Variants in BCDIN3D observed in about 807,000 individuals in gnomAD.
BCDIN3D encodes BCDIN3 domain containing RNA methyltransferase, also known as RNA 5'-monophosphate methyltransferase.
Under a neutral mutation model 21.2 loss-of-function variants are expected in BCDIN3D, and 15 were observed. The observed-to-expected ratio is 0.71, with a 90% CI of 0.47 to 1.09. The LOEUF (loss-of-function observed/expected upper bound fraction) is 1.09. BCDIN3D is among the 50% of genes least tolerant of loss of function. The pLI, the probability that BCDIN3D is intolerant of heterozygous loss-of-function variation, is 0.00. For synonymous variants in BCDIN3D, 127 were observed against 141.9 expected (o/e 0.90, Z 0.75); for missense variants, 331 against 366.2 (o/e 0.90, Z 0.79).
rs1333562661 is a variant in BCDIN3D, at chr12:49,838,822, T to A, written c.428A>T (p.Lys143Met). Residue 143 changes from lysine to methionine, a missense_variant, in exon 2 of 2, where the codon AAG (lysine) becomes ATG (methionine). By Grantham distance (95) the Lys-to-Met change is moderately conservative (BLOSUM62 -1). Coordinates refer to ENST00000333924, the MANE Select transcript of BCDIN3D (RefSeq NM_181708.3). The part of the protein sequence containing the change: ...TLDFMNQRTR[K>M]VLLSSFLSQF... ...GCTTAAGAAAGAGCTCAAGAGAACC[T>A]TCCGGGTCCTTTGATTCATGAAGTC... 2.5e-6 allele frequency: 4 copies of A among 1,614,066 alleles called. No individual in the cohort carries two copies. In the South Asian group the frequency reaches 4.4e-5, roughly 18 times the overall value.
intron 1 of BCDIN3D, 159 bp from the exon 2 acceptor site, chr12:49,839,174 C>T (rs1946534722): frequency 4.0e-6 from 3 of 741,464 alleles, no homozygotes; most frequent in African/African-American, 3.5e-5. Context: ...AAATTTTCTA[C>T]AGAGTAGGCT....
chr12:49,836,382 G>A lies in BCDIN3D; in HGVS notation c.*1989C>T, dbSNP rs1946505738. ...TTGCAAAGCCCCTTTTGCTAAAGGA[G>A]GTGGACATCTTGGGGGACCATTATT... On this transcript the variant is annotated 3_prime_UTR_variant, in exon 2 of 2. Coordinates refer to ENST00000333924, the MANE Select transcript of BCDIN3D (RefSeq NM_181708.3). The A allele has an allele frequency of 6.6e-6, 1 of 152,198 alleles. No individual in the cohort carries two copies. The allele number at this position is 152,198 out of a possible 1,614,324, so 9.4% of individuals were successfully genotyped here.
At chr12:49,841,506 G>A (rs1480702499) in intron 1 of BCDIN3D, among the ~76,000 whole-genome samples, 4 of 152,298 alleles carry the variant, frequency 2.6e-5, no homozygotes, top group Admixed American at 1.3e-4. Flanking sequence ...TACCTCTCAT[G>A]TGTATACTAC....
At position 49,836,067 on chromosome 12, in the gene BCDIN3D, C is replaced by T. The variant is rs1240888890; in HGVS notation, c.*2304G>A. ...GTGGTTTAAAATACTGATTTATTCT[C>T]TTACAGCTCTGGAGATTAAATCTGA... is the stretch of plus-strand genomic sequence containing the variant. On this transcript the variant is annotated 3_prime_UTR_variant, in exon 2 of 2. Transcript: ENST00000333924. The T allele has an allele frequency of 6.6e-6, 1 of 152,210 alleles. No homozygotes were observed. Among genetic ancestry groups the T allele is most frequent in the Non-Finnish European group, 1.5e-5 (1 of 68,038 alleles). The allele number at this position is 152,210 out of a possible 1,614,324, so 9.4% of individuals were successfully genotyped here.
intron 1 of BCDIN3D, among the ~76,000 whole-genome samples, chr12:49,841,546 T>C (rs1190523247): frequency 2.0e-5 from 3 of 152,258 alleles, no homozygotes; most frequent in African/African-American, 7.2e-5. Flanking sequence ...GGTGGTTTCC[T>C]AATGCCTTTC....
At position 49,836,504 on chromosome 12, in the gene BCDIN3D, AAATT is replaced by A. The variant is rs1565602589; in HGVS notation, c.*1863_*1866del. On this transcript the variant is annotated 3_prime_UTR_variant, in exon 2 of 2. Transcript: ENST00000333924. ...GGTTACAGGGTTTCAAAGTGTTCCT[AAATT>A]AAGATCTTGTGGGTAAACTCAGCTC... 6 of 152,192 alleles carry A rather than the reference AAATT, an allele frequency of 3.9e-5. No individual in the cohort carries two copies. Among genetic ancestry groups the A allele is most frequent in the Non-Finnish European group, 8.8e-5 (6 of 68,034 alleles). The allele number at this position is 152,192 out of a possible 1,614,324, so 9.4% of individuals were successfully genotyped here.
intron 1 of BCDIN3D, chr12:49,839,649 T>A (rs947986032): frequency 6.6e-6 from 1 of 152,272 alleles, no homozygotes; most frequent in African/African-American, 2.4e-5. Context: ...TTTTACCACA[T>A]TAGCACCTTT....
chr12:49,839,292 G>T (rs1946535729), intron 1 of BCDIN3D: 3 of 413,136 alleles, frequency 7.3e-6, no homozygotes, highest in African/African-American at 2.0e-5. Flanking sequence ...AATGGATGCA[G>T]CAAAGGAACC....
intron 1 of BCDIN3D, 73 bp from the exon 2 acceptor site, chr12:49,839,088 C>G (rs1176409056): frequency 6.7e-7 from 1 of 1,482,828 alleles, no homozygotes; most frequent in Non-Finnish European, 9.1e-7. Flanking sequence ...GTATCATTCT[C>G]CCACTGAGAA....
chr12:49,842,385 CT>C (rs148395038), intron 1 of BCDIN3D: 2 of 153,254 alleles, frequency 1.3e-5, no homozygotes, highest in African/African-American at 2.4e-5. Flanking sequence ...GGCCTACTCA[CT>C]TTTTTTGAAA....
rs1182383342 is a variant in BCDIN3D, at chr12:49,843,016, C to T, written c.72G>A (p.Leu24=). Reference sequence around the variant, plus strand: ...TTCCGAACGGGGCGGCGCCAGGTGCCAGAACTCGCGATTCCTCTTCCGCTG... The same window carrying T: ...TTCCGAACGGGGCGGCGCCAGGTGCTAGAACTCGCGATTCCTCTTCCGCTG... The part of the protein sequence containing the change: ...ETAAEEESRV[L]APGAAPFGNF... Residue 24 remains leucine, a synonymous_variant, in exon 1 of 2, where the codon CTG becomes CTA. Coordinates refer to ENST00000333924, the MANE Select transcript of BCDIN3D (RefSeq NM_181708.3). The T allele has an allele frequency of 1.2e-6, 2 of 1,614,130 alleles. No homozygotes were observed. The highest frequency in any genetic ancestry group is 1.7e-6 in the Non-Finnish European group (2 of 1,180,064).
chr12:49,841,098 T>A (rs1476887741), intron 1 of BCDIN3D: 3 of 151,946 alleles, frequency 2.0e-5, no homozygotes, highest in African/African-American at 7.3e-5. Context: ...AATGAAACAT[T>A]AGGAAGCTGC....
intron 1 of BCDIN3D, chr12:49,839,347 T>C: frequency 4.1e-6 from 1 of 245,868 alleles, no homozygotes; most frequent in South Asian, 5.6e-5. Flanking sequence ...ATAAACTCAC[T>C]CTTTTTCTGG....
Position 49,838,566 on chromosome 12 carries a change from A to T in BCDIN3D, c.684T>A (p.Gly228=), listed in dbSNP as rs1377143192. 1 of 1,614,140 alleles carries T rather than the reference A, an allele frequency of 6.2e-7. No individual in the cohort carries two copies. Among genetic ancestry groups the T allele is most frequent in the Admixed American group, 1.7e-5 (1 of 60,002 alleles). ...FDHFHSLAIR[G]DMPNQIVQIL... is the part of the protein sequence containing the mutation. ...TCTGCACAATCTGATTGGGCATGTC[A>T]CCTCGGATGGCAAGGGAGTGGAAGT... Residue 228 remains glycine, a synonymous_variant, in exon 2 of 2, where the codon GGT becomes GGA. Transcript: ENST00000333924.
rs758976131 is a variant in BCDIN3D at position 49,836,808 on chromosome 12, C to T, written c.*1563G>A. ...GTAATAGCACCTTATTTTTCTTTAT[C>T]ACTCTATATTCTGCAAAATACCTTC... On this transcript the variant is annotated 3_prime_UTR_variant, in exon 2 of 2. Coordinates refer to ENST00000333924, the MANE Select transcript of BCDIN3D (RefSeq NM_181708.3). 1 of 152,188 alleles carries T rather than the reference C, an allele frequency of 6.6e-6. No homozygotes were observed. Among genetic ancestry groups the T allele is most frequent in the Non-Finnish European group, 1.5e-5 (1 of 68,028 alleles). 9.4% of individuals were successfully genotyped at this position (152,188 alleles called of 1,614,324 possible).
chr12:49,838,476 G>T lies in BCDIN3D; in HGVS notation c.774C>A (p.Ser258Arg), dbSNP rs559976366. 2 of 1,614,064 alleles carry T rather than the reference G, an allele frequency of 1.2e-6. No individual in the cohort carries two copies. The highest frequency in any genetic ancestry group is 2.2e-5 in the South Asian group (2 of 91,074). Residue 258 changes from serine to arginine, a missense_variant, in exon 2 of 2, where the codon AGC (serine) becomes AGA (arginine). Coordinates refer to ENST00000333924, the MANE Select transcript of BCDIN3D (RefSeq NM_181708.3). ...CCFGNTSWDRSLLLFRAKQTI... is the reference protein window; with the variant it reads ...CCFGNTSWDRRLLLFRAKQTI... ...TTTGTTTTGCCCTGAAGAGCAGAAG[G>T]CTTCTGTCCCAACTGGTGTTGCCAA...
rs764721935 is a variant in BCDIN3D at position 49,838,787 on chromosome 12, G to A, written c.463C>T (p.Arg155Cys). 99 of 1,614,050 alleles carry A rather than the reference G, an allele frequency of 6.1e-5. No individual in the cohort carries two copies. Among genetic ancestry groups the A allele is most frequent in the Admixed American group, 1.3e-4 (8 of 59,994 alleles). Reference sequence around the variant, plus strand: ...CAGAAGCCAATGTCAAAAACTGAACGTCCAAATTGGCTTAAGAAAGAGCTC... The same window carrying A: ...CAGAAGCCAATGTCAAAAACTGAACATCCAAATTGGCTTAAGAAAGAGCTC... The part of the protein sequence containing the change: ...LLSSFLSQFG[R>C]SVFDIGFCMS... Residue 155 changes from arginine (R) to cysteine (C), a missense_variant, in exon 2 of 2, where the codon CGT (arginine) becomes TGT (cysteine). By Grantham distance (180) the Arg-to-Cys change is radical. Coordinates refer to ENST00000333924, the MANE Select transcript of BCDIN3D (RefSeq NM_181708.3).
At position 49,842,837 on chromosome 12, in the gene BCDIN3D, C is replaced by T; in HGVS notation, c.234+17G>A. The T allele has an allele frequency of 2.5e-6, 4 of 1,578,004 alleles. No individual in the cohort carries two copies. Among genetic ancestry groups the T allele is most frequent in the Non-Finnish European group, 3.4e-6 (4 of 1,160,074 alleles). Reference sequence around the variant, plus strand: ...CCACTTGGCTCCGGATGCTCCAATCCCTCCCCTGTCACTCACCCCGGAGTT... The same window carrying T: ...CCACTTGGCTCCGGATGCTCCAATCTCTCCCCTGTCACTCACCCCGGAGTT... On this transcript the variant is annotated intron_variant, in intron 1 of 1. Transcript: ENST00000333924.
Position 49,837,776 on chromosome 12 carries a change from T to A in BCDIN3D, c.*595A>T, listed in dbSNP as rs1946519771. 6.6e-6 allele frequency: 1 copy of A among 152,252 alleles called. No homozygotes were observed. The highest frequency in any genetic ancestry group is 2.4e-5 in the African/African-American group (1 of 41,516). The allele number at this position is 152,252 out of a possible 1,614,324, so 9.4% of individuals were successfully genotyped here. A position where few individuals can be genotyped will look rare whatever the true frequency, so the allele number is the denominator to read the frequency against. Reference sequence around the variant, plus strand: ...TTAATATCACAAAATTGTATACTTTTAAAAAAATTATCAATTTATCTTTTA... The same window carrying A: ...TTAATATCACAAAATTGTATACTTTAAAAAAAATTATCAATTTATCTTTTA... On this transcript the variant is annotated 3_prime_UTR_variant, in exon 2 of 2. Transcript: ENST00000333924.
Sources: allele counts gnomAD v4.1 joint callset (sites outside exome capture counted in the v4.1 genomes callset), GRCh38; gene constraint gnomAD v4.1.1; transcripts MANE v1.5; gene names NCBI Gene and HGNC (gene_info 2026-07-23, HGNC 2026-07-21).